The following SRPK2 variants were observed in gnomAD, a reference collection of about 807,000 sequenced individuals.
SRPK2 encodes SRSF protein kinase 2, also known as SFRS protein kinase 2.
A neutral mutation model predicts 90.8 loss-of-function variants in SRPK2; 21 were observed. The observed-to-expected ratio is 0.23, with a 90% CI of 0.16 to 0.33. The LOEUF (loss-of-function observed/expected upper bound fraction) is 0.33, where lower values mean the gene tolerates loss of function less well. Among genes scored for constraint, SRPK2 ranks in the 10% least tolerant of loss-of-function variants. The probability of loss-of-function intolerance (pLI) is 1.00; values close to 1 mark genes in which losing one functional copy is unlikely to be tolerated. For synonymous variants in SRPK2, 288 were observed against 311.1 expected, an observed-to-expected ratio of 0.93 and a Z score of 0.78; for missense variants, 620 against 869.0, an observed-to-expected ratio of 0.71 and a Z score of 3.60.
chr7:105,389,351 C>T (rs773652665), upstream of SRPK2: 1 of 1,275,466 alleles, frequency 7.8e-7, no homozygotes, highest in Non-Finnish European at 1.0e-6. Flanking sequence ...CTTTGCTCCT[C>T]TACATCCTTG....
intron 2 of SRPK2, among the ~76,000 whole-genome samples, chr7:105,355,725 A>G (rs929437948): frequency 1.3e-5 from 2 of 152,118 alleles, no homozygotes; most frequent in Non-Finnish European, 2.9e-5. Context: ...CAGCCTTTGC[A>G]TAAGACACAG....
intron 15 of SRPK2, among the ~76,000 whole-genome samples, chr7:105,122,148 C>A (rs931824822): frequency 6.6e-6 from 1 of 152,134 alleles, no homozygotes; most frequent in African/African-American, 2.4e-5. Flanking sequence ...ACATCCCATA[C>A]AAAAATCAAC....
chr7:105,324,229 G>A (rs559872972), intron 2 of SRPK2, among the ~76,000 whole-genome samples: 3 of 151,830 alleles, frequency 2.0e-5, no homozygotes, highest in South Asian at 2.1e-4. Context: ...GGCTGGTCTC[G>A]AACTCCTGAC....
At chr7:105,330,203 G>C (rs1443592775) in intron 2 of SRPK2, among the ~76,000 whole-genome samples, 3 of 151,968 alleles carry the variant, frequency 2.0e-5, no homozygotes, top group Non-Finnish European at 4.4e-5. Flanking sequence ...AGCCAGGCGT[G>C]GTGGCGGGTG....
At chr7:105,140,785 AC>A (rs1803628490) in intron 11 of SRPK2, among the ~76,000 whole-genome samples, 1 of 146,118 alleles carries the variant, frequency 6.8e-6, no homozygotes, top group South Asian at 2.2e-4. Context: ...ACATGGTGAA[AC>A]CCTGTCTCTA....
upstream of SRPK2, among the ~76,000 whole-genome samples, chr7:105,389,630 T>A (rs993610840): frequency 6.6e-6 from 1 of 152,180 alleles, no homozygotes; most frequent in Non-Finnish European, 1.5e-5. Flanking sequence ...TCACACCAAG[T>A]AGTTATTTTC....
rs574797115 is a variant in SRPK2 at position 105,273,699 on chromosome 7, T to C, written c.72-69914A>G. On this transcript the variant is annotated intron_variant, in intron 2 of 15. Transcript: ENST00000393651. The stretch of plus-strand genomic sequence containing the variant: ...CTCTGTATTTGCATTACCAAATTAC[T>C]AAAATATATAAATTACTTGTTTCAG... 1.2e-3 allele frequency among the ~76,000 whole-genome samples: 176 copies of C among 152,304 alleles called. 1 individual carries two copies. The highest frequency in any genetic ancestry group is 4.1e-3 in the African/African-American group (172 of 41,564).
intron 7 of SRPK2, 27 bp from the exon 8 acceptor site, chr7:105,146,685 G>T: frequency 6.2e-7 from 1 of 1,607,338 alleles, no homozygotes; most frequent in African/African-American, 1.3e-5. Flanking sequence ...CAAGAGAGAA[G>T]ATAAGCTATT....
chr7:105,161,174 C>T (rs1807587375), intron 6 of SRPK2, among the ~76,000 whole-genome samples: 1 of 152,162 alleles, frequency 6.6e-6, no homozygotes, highest in Non-Finnish European at 1.5e-5. Context: ...ATCCACCCGC[C>T]TTGGGCTCCC....
At chr7:105,133,713 T>C (rs946404098) in intron 11 of SRPK2, among the ~76,000 whole-genome samples, 1 of 152,344 alleles carries the variant, frequency 6.6e-6, no homozygotes, top group Middle Eastern at 3.4e-3. Flanking sequence ...TAAACTATTC[T>C]GGTTTTGTTT....
chr7:105,125,759 T>C lies in SRPK2; in HGVS notation c.1915+489A>G, dbSNP rs546565951. The C allele has an allele frequency of 4.0e-5, 43 of 1,081,512 alleles. No individual in the cohort carries two copies. The African/African-American group carries it at 6.8e-4, about 17-fold the overall frequency. The allele number at this position is 1,081,512 out of a possible 1,614,324, so 67.0% of individuals were successfully genotyped here. A position where few individuals can be genotyped will look rare whatever the true frequency, so the allele number is the denominator to read the frequency against. ...TTTGGGAGAAGACTATGCTGAAAATTAGTGTTGCATAAATACCGTTACCTT... is the reference window on the plus strand; with the variant it reads ...TTTGGGAGAAGACTATGCTGAAAATCAGTGTTGCATAAATACCGTTACCTT... On this transcript the variant is annotated intron_variant, in intron 15 of 15. Coordinates refer to ENST00000393651, the MANE Select transcript of SRPK2 (RefSeq NM_182692.3).
chr7:105,371,247 T>C (rs146160697), intron 2 of SRPK2, among the ~76,000 whole-genome samples: 181 of 134,464 alleles, frequency 1.3e-3, no homozygotes, highest in African/African-American at 4.7e-3. Flanking sequence ...CTACGAAAAA[T>C]ACAAAAATCA....
intron 2 of SRPK2, among the ~76,000 whole-genome samples, chr7:105,334,627 C>T (rs1814845389): frequency 2.0e-5 from 3 of 151,948 alleles, no homozygotes; most frequent in Admixed American, 6.6e-5. Flanking sequence ...CACTTGAGGT[C>T]AGGAGTCCGA....
chr7:105,191,918 G>A (rs1794336852), intron 3 of SRPK2, among the ~76,000 whole-genome samples: 1 of 147,754 alleles, frequency 6.8e-6, no homozygotes, highest in Non-Finnish European at 1.5e-5. Flanking sequence ...GTCTTAATAT[G>A]TTGCCCAGGC....
At chr7:105,232,458 T>TAAAAAAAAAAAAAAAAAAAAAAAA (rs10533429) in intron 2 of SRPK2, among the ~76,000 whole-genome samples, 1 of 132,064 alleles carries the variant, frequency 7.6e-6, no homozygotes, top group African/African-American at 2.8e-5. Flanking sequence ...AAACCTTATC[T>TAAAAAAAAAAAAAAAAAAAAAAAA]AAAAAAAAAA....
intron 2 of SRPK2, among the ~76,000 whole-genome samples, chr7:105,270,223 C>T (rs1282434453): frequency 6.6e-6 from 1 of 152,024 alleles, no homozygotes; most frequent in Non-Finnish European, 1.5e-5. Flanking sequence ...CAGGGTGTAG[C>T]CAAGCTGCCG....
intron 2 of SRPK2, among the ~76,000 whole-genome samples, chr7:105,289,100 CAAAAAAAAAAA>C (rs57131530): frequency 1.2e-5 from 1 of 86,658 alleles, no homozygotes; most frequent in Non-Finnish European, 2.2e-5. Context: ...ACTTAAAGCA[CAAAAAAAAAAA>C]AAAAAAAAAA....
At chr7:105,137,890 T>G (rs1197722440) in intron 11 of SRPK2, among the ~76,000 whole-genome samples, 1 of 152,196 alleles carries the variant, frequency 6.6e-6, no homozygotes, top group Non-Finnish European at 1.5e-5. Flanking sequence ...AGTGCAAGAC[T>G]CTAGGCTTAT....
At chr7:105,163,584 C>T (rs547119127) in intron 6 of SRPK2, among the ~76,000 whole-genome samples, 10 of 152,056 alleles carry the variant, frequency 6.6e-5, no homozygotes, top group African/African-American at 2.4e-4. Flanking sequence ...CACCTGAGGT[C>T]GGGAATTCGA....
Sources: gnomAD v4.1 joint callset for allele counts (sites outside exome capture counted in the v4.1 genomes callset) on GRCh38, gnomAD v4.1.1 for gene constraint, MANE v1.5 for transcripts, NCBI Gene and HGNC (gene_info 2026-07-23, HGNC 2026-07-21) for gene names.